SIPA1L2: variants seen among roughly 807,000 people sequenced by gnomAD.
SIPA1L2 encodes signal-induced proliferation-associated 1-like protein 2.
A neutral mutation model predicts 163.9 loss-of-function variants in SIPA1L2; 56 were observed. The ratio of observed to expected loss-of-function variants is 0.34; its 90% CI spans 0.28 to 0.43. The LOEUF is 0.43. Ranked by LOEUF, SIPA1L2 falls within the 20% of genes least tolerant of loss-of-function variation. SIPA1L2 has a pLI of 1.00. For missense variants in SIPA1L2, 1,974 were observed against 2,193.5 expected, an observed-to-expected ratio of 0.90 and a Z score of 2.00; for synonymous variants, 877 against 865.7, an observed-to-expected ratio of 1.01 and a Z score of -0.23.
At chr1:232,546,930 G>A (rs1658064480) in intron 2 of SIPA1L2, among the ~76,000 whole-genome samples, 1 of 152,160 alleles carries the variant, frequency 6.6e-6, no homozygotes, top group Non-Finnish European at 1.5e-5. Context: ...GAGAGAAGAG[G>A]CAAAGGCATT....
chr1:232,439,137 G>C lies in SIPA1L2; in HGVS notation c.4002C>G (p.Gly1334=), dbSNP rs1223941111. The C allele has an allele frequency of 5.0e-6, 8 of 1,611,060 alleles. No individual in the cohort carries two copies. The African/African-American group carries it at 1.1e-4, about 22-fold the overall frequency. The change falls in exon 15 of 23, where the codon GGC becomes GGG. Residue 1334 remains glycine, a synonymous_variant. Transcript: ENST00000674635. ...AATGAGAGGATATCTCACTGAGATC[G>C]CCCATGCTGCCTTCCGCAGCACTGC... ...SAGSAAEGSM[G]DLSEISSHSS...
rs74827796 is a variant in SIPA1L2 at position 232,509,425 on chromosome 1, T to C, written c.1483+4432A>G. ...CAAAATAAAAGCACTCTGGAAAGTA[T>C]TGAAAGATAGATCCCTGAAAGTCAG... On this transcript the variant is annotated intron_variant, in intron 3 of 22. Transcript: ENST00000674635. Among the ~76,000 whole-genome samples, 462 of 152,284 alleles carry C rather than the reference T, an allele frequency of 3.0e-3. 2 individuals carry two copies. Among genetic ancestry groups the C allele is most frequent in the Non-Finnish European group, 3.6e-3 (244 of 68,020 alleles).
At chr1:232,601,944 T>TAA (rs1384465055) in intron 1 of SIPA1L2, among the ~76,000 whole-genome samples, 160 of 152,318 alleles carry the variant, frequency 1.1e-3, no homozygotes, top group South Asian at 8.5e-3. Context: ...GGATGTCACC[T>TAA]TACAAGCATG....
At chr1:232,561,818 G>T (rs1659052848) in intron 2 of SIPA1L2, among the ~76,000 whole-genome samples, 1 of 152,208 alleles carries the variant, frequency 6.6e-6, no homozygotes, top group African/African-American at 2.4e-5. Flanking sequence ...TCAAAATGCA[G>T]GAGCAGGAGA....
intron 3 of SIPA1L2, among the ~76,000 whole-genome samples, chr1:232,505,461 T>C (rs1666683961): frequency 6.6e-6 from 1 of 152,346 alleles, no homozygotes; most frequent in African/African-American, 2.4e-5. Flanking sequence ...CTTATTCCTT[T>C]TCCCAGGGAA....
At chr1:232,447,209 T>C (rs935944022) in intron 10 of SIPA1L2, among the ~76,000 whole-genome samples, 2 of 152,232 alleles carry the variant, frequency 1.3e-5, no homozygotes, top group Admixed American at 6.5e-5. Context: ...AGTTAAAATA[T>C]ATTACTAAAA....
At chr1:232,583,287 G>A (rs543407199) in intron 1 of SIPA1L2, among the ~76,000 whole-genome samples, 33 of 152,184 alleles carry the variant, frequency 2.2e-4, no homozygotes, top group Non-Finnish European at 3.5e-4. Context: ...TCACAAGCAC[G>A]ACTATCCAGG....
At chr1:232,585,696 C>T (rs1043416813) in intron 1 of SIPA1L2, among the ~76,000 whole-genome samples, 3 of 152,206 alleles carry the variant, frequency 2.0e-5, no homozygotes, top group Non-Finnish European at 4.4e-5. Flanking sequence ...AAGCCTCATT[C>T]TCCATAACAA....
intron 8 of SIPA1L2, among the ~76,000 whole-genome samples, chr1:232,467,044 A>C (rs1296644293): frequency 6.6e-6 from 1 of 152,222 alleles, no homozygotes; most frequent in Non-Finnish European, 1.5e-5. Flanking sequence ...AAAACATTCC[A>C]TCCAAATTTG....
chr1:232,578,050 G>GCCA (rs1460150852), intron 1 of SIPA1L2, among the ~76,000 whole-genome samples: 2 of 152,094 alleles, frequency 1.3e-5, no homozygotes, highest in Non-Finnish European at 2.9e-5. Flanking sequence ...CCAACCTTCA[G>GCCA]CCACCACCAC....
chr1:232,629,944 C>T lies in SIPA1L2; in HGVS notation c.-394G>A, dbSNP rs1452211343. Among the ~76,000 whole-genome samples, 7 of 150,746 alleles carry T rather than the reference C, an allele frequency of 4.6e-5. No homozygotes were observed. The East Asian group carries it at 9.8e-4, about 21-fold the overall frequency. On this transcript the variant is annotated 5_prime_UTR_variant, in exon 1 of 23. Transcript: ENST00000674635. ...GCGCGTACCCGGGCTGCCGCCTCGC[C>T]GCCCGCCGCTGCCCGGGGCTGCCCA...
intron 15 of SIPA1L2, among the ~76,000 whole-genome samples, chr1:232,437,435 A>T (rs1662629671): frequency 6.6e-6 from 1 of 152,260 alleles, no homozygotes. Flanking sequence ...TTTAAGTCAA[A>T]TTATTAAATA....
rs1260352331 is a variant in SIPA1L2, at chr1:232,572,759, ATATATATATATATATATATATT to A, written c.-270+1393_-270+1414del. 5.6e-4 allele frequency among the ~76,000 whole-genome samples: 50 copies of A among 89,722 alleles called. 1 individual carries two copies. Among genetic ancestry groups the A allele is most frequent in the South Asian group, 1.4e-3 (3 of 2,134 alleles). 58.9% of individuals were successfully genotyped at this position (89,722 alleles called of 152,430 possible). ...CATACATATATATATATATATATAT[ATATATATATATATATATATATT>A]TATTTATTTATTTTTTCCTTGAGAC... On this transcript the variant is annotated intron_variant, in intron 2 of 22. Transcript: ENST00000674635.
At chr1:232,572,773 A>ATT (rs1282349132) in intron 2 of SIPA1L2, among the ~76,000 whole-genome samples, 3 of 112,724 alleles carry the variant, frequency 2.7e-5, no homozygotes, top group Non-Finnish European at 3.6e-5. Flanking sequence ...ATATATATAT[A>ATT]TATATATTTA....
chr1:232,524,456 C>T (rs957690097), intron 2 of SIPA1L2, among the ~76,000 whole-genome samples: 2 of 151,990 alleles, frequency 1.3e-5, no homozygotes, highest in Non-Finnish European at 2.9e-5. Context: ...TCTTTGAACA[C>T]CAATAAGGTA....
intron 3 of SIPA1L2, among the ~76,000 whole-genome samples, chr1:232,499,256 C>T (rs4649270): frequency 0.31 from 46,597 of 152,040 alleles, 7,925 homozygotes; most frequent in East Asian, 0.71. Flanking sequence ...TGTCAATAGC[C>T]GAGACAGGCT....
intron 1 of SIPA1L2, among the ~76,000 whole-genome samples, chr1:232,605,371 C>T (rs935258362): frequency 6.6e-6 from 1 of 152,164 alleles, no homozygotes; most frequent in African/African-American, 2.4e-5. Context: ...AGTGAACAAA[C>T]CATGGTAGGT....
intron 3 of SIPA1L2, among the ~76,000 whole-genome samples, chr1:232,501,007 T>C (rs928300497): frequency 2.7e-5 from 4 of 150,192 alleles, no homozygotes; most frequent in Admixed American, 2.0e-4. Flanking sequence ...AAGGTTGACT[T>C]GCTGAAGGCT....
intron 2 of SIPA1L2, among the ~76,000 whole-genome samples, chr1:232,567,838 C>T (rs543207086): frequency 6.6e-6 from 1 of 152,318 alleles, no homozygotes; most frequent in African/African-American, 2.4e-5. Flanking sequence ...ACTTTCTGCC[C>T]CATCCCACAG....
Sources: allele counts gnomAD v4.1 joint callset (sites outside exome capture counted in the v4.1 genomes callset), GRCh38; gene constraint gnomAD v4.1.1; transcripts MANE v1.5; gene names NCBI Gene and HGNC (gene_info 2026-07-23, HGNC 2026-07-21).